The following ZNF81 variants were observed in gnomAD, a reference collection of about 807,000 sequenced individuals.
ZNF81 encodes the protein zinc finger protein 81.
Under a neutral mutation model 32.3 loss-of-function variants are expected in ZNF81, and 5 were observed. The observed-to-expected ratio is 0.15, with a 90% CI of 0.08 to 0.33. The LOEUF (loss-of-function observed/expected upper bound fraction) is 0.33. Among genes scored for constraint, ZNF81 ranks in the 10% least tolerant of loss-of-function variants. ZNF81 has a pLI of 1.00. For missense variants in ZNF81, 379 were observed against 479.8 expected (o/e 0.79, Z 1.96); for synonymous variants, 163 against 166.8 (o/e 0.98, Z 0.17).
intron 2 of ZNF81, among the ~76,000 whole-genome samples, chrX:47,859,092 CAA>C (rs1166917817): frequency 4.3e-5 from 3 of 69,845 alleles, no homozygotes; most frequent in Admixed American, 1.6e-4. Context: ...AACTCCGTCT[CAA>C]AAAAAAAAAA....
intron 2 of ZNF81, among the ~76,000 whole-genome samples, chrX:47,868,598 C>T (rs2058568662): frequency 9.0e-6 from 1 of 111,394 alleles, no homozygotes; most frequent in Non-Finnish European, 1.9e-5. Context: ...AAATATCTTA[C>T]ATGATGTGAT....
At chrX:47,885,075 A>G (rs996911891) in intron 2 of ZNF81, among the ~76,000 whole-genome samples, 1 of 112,244 alleles carries the variant, frequency 8.9e-6, no homozygotes, top group Non-Finnish European at 1.9e-5. Flanking sequence ...ATAATACTTT[A>G]CTTTCTTCAG....
intron 2 of ZNF81, among the ~76,000 whole-genome samples, chrX:47,866,347 A>G (rs1556883274): frequency 8.9e-6 from 1 of 111,865 alleles, no homozygotes; most frequent in Non-Finnish European, 1.9e-5. Flanking sequence ...GAATAGAAAG[A>G]AAAGAGTTTT....
At position 47,888,087 on chromosome X, in the gene ZNF81, A is replaced by T. The variant is rs1303291009; in HGVS notation, c.143A>T (p.Asp48Val). The T allele has an allele frequency of 1.7e-6, 2 of 1,208,452 alleles. No individual in the cohort carries two copies. Among genetic ancestry groups the T allele is most frequent in the African/African-American group, 3.5e-5 (2 of 56,807 alleles). ...LDSTQRRLYQ[D>V]VMLENYSHLL... ...TCTACTCAAAGACGCCTGTACCAGG[A>T]TGTAATGTTGGAGAACTACAGCCAC... Residue 48 changes from aspartate (D) to valine (V), a missense_variant, in exon 3 of 5, where the codon GAT (aspartate) becomes GTT (valine). Around this residue, in one of 2 missense-constraint regions of ZNF81, gnomAD observed 277 missense variants for 306.6 expected, o/e 0.90. Coordinates refer to ENST00000338637, the MANE Select transcript of ZNF81 (RefSeq NM_007137.5).
At chrX:47,874,467 AAC>A (rs2058591927) in intron 2 of ZNF81, among the ~76,000 whole-genome samples, 1 of 112,583 alleles carries the variant, frequency 8.9e-6, no homozygotes, top group South Asian at 3.6e-4. Flanking sequence ...GTAAACTGGA[AAC>A]ACACAGCCAA....
At chrX:47,887,954 T>C in intron 2 of ZNF81, 45 bp from the exon 3 acceptor site, 2 of 1,210,339 alleles carry the variant, frequency 1.7e-6, no homozygotes, top group Non-Finnish European at 2.2e-6. Context: ...CTCTCCATCC[T>C]CCAGTGCTGA....
At chrX:47,885,615 A>G (rs1556885656) in intron 2 of ZNF81, among the ~76,000 whole-genome samples, 1 of 111,755 alleles carries the variant, frequency 8.9e-6, no homozygotes, top group Non-Finnish European at 1.9e-5. Flanking sequence ...TGCTTCCAAG[A>G]TGGCGCCTTG....
chrX:47,881,452 C>T (rs1268181659), intron 2 of ZNF81, among the ~76,000 whole-genome samples: 2 of 112,157 alleles, frequency 1.8e-5, no homozygotes, highest in African/African-American at 6.5e-5. Context: ...CCTGTGCCAC[C>T]GGCCCCAGAT....
intron 4 of ZNF81, among the ~76,000 whole-genome samples, chrX:47,901,672 C>A (rs1603205099): frequency 9.4e-6 from 1 of 105,905 alleles, no homozygotes; most frequent in South Asian, 3.9e-4. Context: ...GGTGTATTAT[C>A]TTTTTATGTA....
At chrX:47,860,190 T>TC (rs1329679972) in intron 2 of ZNF81, among the ~76,000 whole-genome samples, 1 of 106,347 alleles carries the variant, frequency 9.4e-6, no homozygotes, top group Non-Finnish European at 1.9e-5. Flanking sequence ...TTTTTTTTTT[T>TC]TTTGAGATGG....
chrX:47,848,887 T>C (rs180970224), intron 2 of ZNF81, among the ~76,000 whole-genome samples: 10 of 112,051 alleles, frequency 8.9e-5, no homozygotes, highest in African/African-American at 2.6e-4. Flanking sequence ...CTCTTACCCA[T>C]CTTTCTCCTG....
intron 2 of ZNF81, among the ~76,000 whole-genome samples, chrX:47,848,922 A>G (rs1556880837): frequency 8.9e-6 from 1 of 112,067 alleles, no homozygotes; most frequent in East Asian, 2.8e-4. Flanking sequence ...TCTAATACAT[A>G]AAACCAGGTT....
intron 3 of ZNF81, among the ~76,000 whole-genome samples, chrX:47,895,601 G>A (rs1445419900): frequency 9.0e-6 from 1 of 111,593 alleles, no homozygotes; most frequent in Non-Finnish European, 1.9e-5. Flanking sequence ...CCAGGTTTTG[G>A]TACTGTGTTA....
At chrX:47,882,827 C>T (rs935912855) in intron 2 of ZNF81, among the ~76,000 whole-genome samples, 1 of 112,083 alleles carries the variant, frequency 8.9e-6, no homozygotes, top group Non-Finnish European at 1.9e-5. Flanking sequence ...TCTGTCTCTA[C>T]TAAAAATACA....
chrX:47,900,399 T>C (rs1388374229), intron 4 of ZNF81, among the ~76,000 whole-genome samples: 1 of 111,592 alleles, frequency 9.0e-6, no homozygotes, highest in African/African-American at 3.3e-5. Flanking sequence ...GATGTCAGTA[T>C]TGGGGGAAAA....
chrX:47,874,741 C>T (rs2058593121), intron 2 of ZNF81, among the ~76,000 whole-genome samples: 1 of 112,200 alleles, frequency 8.9e-6, no homozygotes, highest in Admixed American at 9.4e-5. Context: ...CAGCCTAACA[C>T]ACCTTTTTTG....
At chrX:47,860,442 A>T (rs2058535455) in intron 2 of ZNF81, among the ~76,000 whole-genome samples, 1 of 109,237 alleles carries the variant, frequency 9.2e-6, no homozygotes, top group African/African-American at 3.3e-5. Context: ...GGGCTCCTGG[A>T]TAGCTTCAGG....
chrX:47,879,999 A>T (rs782470320), intron 2 of ZNF81, among the ~76,000 whole-genome samples: 32 of 112,496 alleles, frequency 2.8e-4, no homozygotes, highest in Non-Finnish European at 5.1e-4. Context: ...GTATCTTTAT[A>T]TTAATATGAA....
rs1397308937 is a variant in ZNF81 at position 47,922,258 on chromosome X, C to T, written c.*5626C>T. ...GTGCTCATAATCATATATAGACATA[C>T]ATACGTTCCCATGCTTGTAATCAGA... is the stretch of plus-strand genomic sequence containing the variant. On this transcript the variant is annotated 3_prime_UTR_variant, in exon 5 of 5. Transcript: ENST00000338637. The T allele has an allele frequency of 2.7e-5, 3 of 112,126 alleles. No individual in the cohort carries two copies. Among genetic ancestry groups the T allele is most frequent in the African/African-American group, 9.7e-5 (3 of 30,827 alleles). 9.2% of individuals were successfully genotyped at this position (112,126 alleles called of 1,213,427 possible). A position where few individuals can be genotyped will look rare whatever the true frequency, so the allele number is the denominator to read the frequency against.
Sources: gnomAD v4.1 joint callset for allele counts (sites outside exome capture counted in the v4.1 genomes callset) on GRCh38, gnomAD v4.1.1 for gene constraint, gnomAD v4.1.1 regional missense constraint, MANE v1.5 for transcripts, NCBI Gene and HGNC (gene_info 2026-07-23, HGNC 2026-07-21) for gene names.